Variants in NCKAP5 observed in about 807,000 individuals in gnomAD.
NCKAP5 encodes NCK associated protein 5.
NCKAP5 carries 92 observed loss-of-function variants against 167.0 expected under a neutral mutation model. The observed-to-expected ratio is 0.55, with a 90% CI of 0.47 to 0.66. NCKAP5 has a LOEUF of 0.66. NCKAP5 is among the 30% of genes least tolerant of loss of function. The probability of loss-of-function intolerance (pLI) is 0.00; values close to 1 mark genes in which losing one functional copy is unlikely to be tolerated. For missense variants in NCKAP5, 2,378 were observed against 2,315.0 expected (o/e 1.03, Z -0.56); for synonymous variants, 891 against 877.4 (o/e 1.02, Z -0.27).
chr2:133,199,658 G>C (rs755360569), intron 5 of NCKAP5, among the ~76,000 whole-genome samples: 17 of 151,826 alleles, frequency 1.1e-4, no homozygotes, highest in Non-Finnish European at 2.2e-4. Flanking sequence ...GAAACAGAAT[G>C]GTTCATTATT....
intron 5 of NCKAP5, among the ~76,000 whole-genome samples, chr2:133,160,560 T>C (rs1227554700): frequency 6.6e-6 from 1 of 151,330 alleles, no homozygotes; most frequent in African/African-American, 2.4e-5. Flanking sequence ...GGGGACCAAA[T>C]AAATTTTGGG....
At chr2:133,547,224 C>A (rs2104923880) in intron 2 of NCKAP5, among the ~76,000 whole-genome samples, 1 of 152,276 alleles carries the variant, frequency 6.6e-6, no homozygotes, top group East Asian at 1.9e-4. Flanking sequence ...CTCGGAGGGT[C>A]CTACGCCCAC....
intron 2 of NCKAP5, among the ~76,000 whole-genome samples, chr2:133,525,950 T>C (rs72990494): frequency 0.1 from 15,543 of 152,016 alleles, 1,324 homozygotes; most frequent in African/African-American, 0.23. Flanking sequence ...AAGATAATAA[T>C]AAAAATCCCC....
chr2:132,985,741 A>T (rs144622606), intron 7 of NCKAP5, among the ~76,000 whole-genome samples: 1 of 152,292 alleles, frequency 6.6e-6, no homozygotes, highest in African/African-American at 2.4e-5. Flanking sequence ...CACAATAAAA[A>T]TACTCCCATT....
intron 7 of NCKAP5, among the ~76,000 whole-genome samples, chr2:132,988,800 A>G (rs2077370624): frequency 6.6e-6 from 1 of 152,218 alleles, no homozygotes; most frequent in Admixed American, 6.5e-5. Context: ...AAAAAAAGGA[A>G]TGTAATCCCC....
rs70973407 is a variant in NCKAP5, at chr2:132,794,263, T to TAGAGAGAG, written c.909+2357_909+2364dup. Among the ~76,000 whole-genome samples, 80 of 11,896 alleles carry TAGAGAGAG rather than the reference T, an allele frequency of 6.7e-3. 3 individuals carry two copies. The highest frequency in any genetic ancestry group is 0.01 in the Non-Finnish European group (59 of 5,714). 7.8% of individuals were successfully genotyped at this position (11,896 alleles called of 152,430 possible). A position where few individuals can be genotyped will look rare whatever the true frequency, so the allele number is the denominator to read the frequency against. The stretch of plus-strand genomic sequence containing the variant: ...ATATATATATATATATATATATATA[T>TAGAGAGAG]AGAGAGAGAGAGAGAGAGAGAGAGA... On this transcript the variant is annotated intron_variant, in intron 12 of 19. Coordinates refer to ENST00000409261, the MANE Select transcript of NCKAP5 (RefSeq NM_207363.3).
chr2:133,574,545 G>A, the NCKAP5 span, among the ~76,000 whole-genome samples: 4 of 151,848 alleles, frequency 2.6e-5, no homozygotes, highest in South Asian at 8.3e-4. Context: ...GGGAGTGGTG[G>A]CAAGGAAGGT....
At chr2:132,840,474 G>A (rs1338004896) in intron 11 of NCKAP5, among the ~76,000 whole-genome samples, 3 of 151,870 alleles carry the variant, frequency 2.0e-5, no homozygotes, top group South Asian at 2.1e-4. Context: ...ATGGGATTTC[G>A]TCATGTTGGT....
chr2:133,553,318 C>A (rs989246187), intron 2 of NCKAP5, among the ~76,000 whole-genome samples: 5 of 152,158 alleles, frequency 3.3e-5, no homozygotes, highest in Admixed American at 6.5e-5. Flanking sequence ...GTTGCCAAAC[C>A]TAGCTGTCCA....
chr2:132,915,751 T>TTCTTGTGGGG (rs1186282382), intron 8 of NCKAP5: 2 of 152,034 alleles, frequency 1.3e-5, no homozygotes, highest in East Asian at 3.9e-4. Flanking sequence ...AGGGGGAAGT[T>TTCTTGTGGGG]TCTTGTGGGG....
chr2:133,571,610 A>C (rs1275255524), upstream of NCKAP5, among the ~76,000 whole-genome samples: 1 of 152,128 alleles, frequency 6.6e-6, no homozygotes, highest in Non-Finnish European at 1.5e-5. Context: ...TGGTCATTTT[A>C]TTATGTTAAT....
At chr2:133,382,214 T>A (rs191846267) in intron 3 of NCKAP5, among the ~76,000 whole-genome samples, 10 of 152,316 alleles carry the variant, frequency 6.6e-5, no homozygotes, top group Admixed American at 1.3e-4. Context: ...TATTCTTAGA[T>A]GTCTTGGGGA....
intron 6 of NCKAP5, among the ~76,000 whole-genome samples, chr2:133,115,413 C>G (rs902986379): frequency 6.6e-6 from 1 of 152,102 alleles, no homozygotes; most frequent in African/African-American, 2.4e-5. Context: ...CATCTGTTTT[C>G]AAGTCACTTC....
chr2:133,111,118 C>T (rs1461041987), intron 6 of NCKAP5, among the ~76,000 whole-genome samples: 5 of 152,098 alleles, frequency 3.3e-5, no homozygotes, highest in Admixed American at 2.0e-4. Flanking sequence ...GGTTAGGGGT[C>T]GAAAATTCGA....
intron 2 of NCKAP5, among the ~76,000 whole-genome samples, chr2:133,539,433 A>T (rs1461986021): frequency 6.6e-6 from 1 of 152,230 alleles, no homozygotes; most frequent in East Asian, 1.9e-4. Context: ...AGACAAGCAA[A>T]ATAAAAAATA....
chr2:132,953,732 C>T (rs74871085), intron 8 of NCKAP5, among the ~76,000 whole-genome samples: 1 of 151,918 alleles, frequency 6.6e-6, no homozygotes, highest in Non-Finnish European at 1.5e-5. Flanking sequence ...AACATTCTTT[C>T]TGGGTGGTAT....
intron 3 of NCKAP5, among the ~76,000 whole-genome samples, chr2:133,436,238 G>A (rs1690469113): frequency 6.6e-6 from 1 of 152,140 alleles, no homozygotes; most frequent in Non-Finnish European, 1.5e-5. Context: ...TTAGAATCAG[G>A]TAACGGGGAG....
chr2:132,940,713 A>T (rs1298456695), intron 8 of NCKAP5, among the ~76,000 whole-genome samples: 1 of 152,036 alleles, frequency 6.6e-6, no homozygotes, highest in African/African-American at 2.4e-5. Context: ...GTAAAAACTT[A>T]TTTATTCTTT....
At chr2:132,976,893 T>C (rs1217508544) in intron 7 of NCKAP5, among the ~76,000 whole-genome samples, 1 of 152,162 alleles carries the variant, frequency 6.6e-6, no homozygotes, top group Non-Finnish European at 1.5e-5. Flanking sequence ...TTTTTGTGTG[T>C]GTGTGGCAAT....
Sources: allele counts gnomAD v4.1 joint callset (sites outside exome capture counted in the v4.1 genomes callset), GRCh38; gene constraint gnomAD v4.1.1; transcripts MANE v1.5; gene names NCBI Gene and HGNC (gene_info 2026-07-23, HGNC 2026-07-21).